GALNT14: variants seen among roughly 807,000 people sequenced by gnomAD.
The protein encoded by GALNT14 is polypeptide N-acetylgalactosaminyltransferase 14.
Under a neutral mutation model 77.5 loss-of-function variants are expected in GALNT14, and 60 were observed. The ratio of observed to expected loss-of-function variants is 0.77; its 90% CI spans 0.63 to 0.96. The LOEUF is 0.96. Ranked by LOEUF, GALNT14 falls within the 40% of genes least tolerant of loss-of-function variation. The probability of loss-of-function intolerance (pLI) is 0.00; values close to 1 mark genes in which losing one functional copy is unlikely to be tolerated. For synonymous variants in GALNT14, 280 were observed against 281.7 expected (o/e 0.99, Z 0.06); for missense variants, 710 against 731.0 (o/e 0.97, Z 0.33).
At chr2:31,121,347 C>T (rs1678403938) in intron 1 of GALNT14, among the ~76,000 whole-genome samples, 1 of 152,148 alleles carries the variant, frequency 6.6e-6, no homozygotes, top group African/African-American at 2.4e-5. Context: ...CACAGCAACG[C>T]TCATTTAGGC....
chr2:31,136,143 G>C (rs1039365425), intron 1 of GALNT14, among the ~76,000 whole-genome samples: 1 of 152,108 alleles, frequency 6.6e-6, no homozygotes, highest in African/African-American at 2.4e-5. Flanking sequence ...AAGTGATCTG[G>C]TGCTATTAAA....
chr2:30,896,021 A>T, the GALNT14 span, among the ~76,000 whole-genome samples: 2 of 152,204 alleles, frequency 1.3e-5, no homozygotes, highest in African/African-American at 4.8e-5. Context: ...TCGACCAGTT[A>T]TTTAATTTCT....
intron 1 of GALNT14, among the ~76,000 whole-genome samples, chr2:31,056,124 C>A (rs911061285): frequency 3.3e-5 from 5 of 152,196 alleles, no homozygotes; most frequent in Non-Finnish European, 7.3e-5. Context: ...GATCCCCAGG[C>A]CCTGCTCCCA....
chr2:31,007,393 A>G (rs916305752), intron 1 of GALNT14, among the ~76,000 whole-genome samples: 10 of 152,172 alleles, frequency 6.6e-5, no homozygotes, highest in Non-Finnish European at 8.8e-5. Flanking sequence ...CTACAGGGAC[A>G]TTTCCCTGAC....
intron 1 of GALNT14, among the ~76,000 whole-genome samples, chr2:31,091,999 C>A (rs369776979): frequency 6.6e-6 from 1 of 152,098 alleles, no homozygotes; most frequent in Non-Finnish European, 1.5e-5. Flanking sequence ...GTCTTCCACC[C>A]TTCATCTTTC....
the GALNT14 span, among the ~76,000 whole-genome samples, chr2:30,905,420 G>A: frequency 2.0e-5 from 3 of 152,020 alleles, no homozygotes; most frequent in Admixed American, 1.3e-4. Context: ...GAATGCAGAA[G>A]CCTCAGGAGC....
At chr2:31,094,734 A>C (rs1025541630) in intron 1 of GALNT14, among the ~76,000 whole-genome samples, 1 of 152,206 alleles carries the variant, frequency 6.6e-6, no homozygotes, top group African/African-American at 2.4e-5. Context: ...TGAGATTGGA[A>C]GGCATAGGCT....
intron 1 of GALNT14, among the ~76,000 whole-genome samples, chr2:31,091,797 C>G (rs1383672068): frequency 6.6e-6 from 1 of 152,138 alleles, no homozygotes; most frequent in African/African-American, 2.4e-5. Context: ...GTCAGTCAAC[C>G]TGATTGGATT....
intron 1 of GALNT14, among the ~76,000 whole-genome samples, chr2:31,097,504 C>T (rs1448385048): frequency 7.0e-6 from 1 of 142,866 alleles, no homozygotes; most frequent in East Asian, 2.0e-4. Context: ...AGTCATCGAG[C>T]ACCCAAATAA....
At chr2:31,036,879 G>A (rs1672766480) in intron 1 of GALNT14, among the ~76,000 whole-genome samples, 2 of 152,156 alleles carry the variant, frequency 1.3e-5, no homozygotes, top group Admixed American at 1.3e-4. Flanking sequence ...ATCTTACTGA[G>A]AATCCCTTAC....
At position 31,081,226 on chromosome 2, in the gene GALNT14, G is replaced by A. The variant is rs539536683; in HGVS notation, c.129+56732C>T. On this transcript the variant is annotated intron_variant, in intron 1 of 14. Transcript: ENST00000349752. ...TCATGAAAGATAAGGATAAGGCCTCGTGAAGGTCATACCAATAGCCGGCAG... is the reference window on the plus strand; with the variant it reads ...TCATGAAAGATAAGGATAAGGCCTCATGAAGGTCATACCAATAGCCGGCAG... 3.9e-5 allele frequency among the ~76,000 whole-genome samples: 6 copies of A among 152,294 alleles called. No homozygotes were observed. The South Asian group carries it at 6.2e-4, about 16-fold the overall frequency.
At chr2:31,071,490 C>T (rs924638908) in intron 1 of GALNT14, among the ~76,000 whole-genome samples, 2 of 152,176 alleles carry the variant, frequency 1.3e-5, no homozygotes, top group African/African-American at 2.4e-5. Context: ...ACATGAGCTC[C>T]AACTGTCCCA....
intron 1 of GALNT14, among the ~76,000 whole-genome samples, chr2:31,133,186 G>C (rs746191292): frequency 6.6e-6 from 1 of 152,098 alleles, no homozygotes; most frequent in Non-Finnish European, 1.5e-5. Context: ...CTTCCATTCA[G>C]CCACTCCGCG....
At chr2:30,901,309 C>T in the GALNT14 span, among the ~76,000 whole-genome samples, 1 of 152,108 alleles carries the variant, frequency 6.6e-6, no homozygotes, top group African/African-American at 2.4e-5. Flanking sequence ...AACATGGCAC[C>T]AGTCTCAGCC....
chr2:30,979,152 C>T (rs1668829073), intron 2 of GALNT14, among the ~76,000 whole-genome samples: 1 of 152,220 alleles, frequency 6.6e-6, no homozygotes, highest in African/African-American at 2.4e-5. Flanking sequence ...GATCCTTCTG[C>T]ATTTAGAAAG....
At chr2:31,071,976 T>C (rs998677605) in intron 1 of GALNT14, among the ~76,000 whole-genome samples, 2 of 152,044 alleles carry the variant, frequency 1.3e-5, no homozygotes, top group Non-Finnish European at 2.9e-5. Flanking sequence ...GTGGAGACGG[T>C]GCCCAGGAGA....
intron 1 of GALNT14, among the ~76,000 whole-genome samples, chr2:31,011,518 T>TAGA (rs780167510): frequency 1.3e-5 from 2 of 152,136 alleles, no homozygotes; most frequent in Non-Finnish European, 2.9e-5. Context: ...TTCAGTGTAA[T>TAGA]AGAAGCCATG....
At chr2:31,136,887 G>C (rs1026738347) in intron 1 of GALNT14, among the ~76,000 whole-genome samples, 4 of 152,266 alleles carry the variant, frequency 2.6e-5, no homozygotes, top group African/African-American at 9.6e-5. Flanking sequence ...TAGGCCCTCT[G>C]TACTGTACTT....
Position 31,076,822 on chromosome 2 carries a change from T to C in GALNT14, c.129+61136A>G, listed in dbSNP as rs141169256. Among the ~76,000 whole-genome samples, 216 of 152,216 alleles carry C rather than the reference T, an allele frequency of 1.4e-3. 2 individuals are homozygous for C. Among genetic ancestry groups the C allele is most frequent in the African/African-American group, 4.9e-3 (202 of 41,538 alleles). ...TAAGAATAAAGAAAGGCACTGCTCT[T>C]GGACAACAGGTGTAAACTCATACTA... On this transcript the variant is annotated intron_variant, in intron 1 of 14. Coordinates refer to ENST00000349752, the MANE Select transcript of GALNT14 (RefSeq NM_024572.4).
Sources: gnomAD v4.1 joint callset for allele counts (sites outside exome capture counted in the v4.1 genomes callset) on GRCh38, gnomAD v4.1.1 for gene constraint, MANE v1.5 for transcripts, NCBI Gene and HGNC (gene_info 2026-07-23, HGNC 2026-07-21) for gene names.